ECT2L: variants seen among roughly 807,000 people sequenced by gnomAD.
The protein encoded by ECT2L is epithelial cell-transforming sequence 2 oncogene-like.
Under a neutral mutation model 122.8 loss-of-function variants are expected in ECT2L, and 126 were observed. The ratio of observed to expected loss-of-function variants is 1.03; its 90% CI spans 0.89 to 1.19. The LOEUF (loss-of-function observed/expected upper bound fraction) is 1.19, where lower values mean the gene tolerates loss of function less well. Ranked by LOEUF, ECT2L falls within the 50% of genes most tolerant of loss-of-function variation. The pLI is 0.00. For missense variants in ECT2L, 1,012 were observed against 1,064.1 expected (o/e 0.95, Z 0.68); for synonymous variants, 385 against 381.8 (o/e 1.01, Z -0.10).
intron 4 of ECT2L, among the ~76,000 whole-genome samples, chr6:138,819,243 A>AG (rs2128376598): frequency 1.6e-5 from 1 of 61,344 alleles, no homozygotes; most frequent in Non-Finnish European, 2.9e-5. Flanking sequence ...AAAAAAAAAA[A>AG]AAAAAAAAGG....
chr6:138,885,195 A>G (rs1004886309), intron 16 of ECT2L, among the ~76,000 whole-genome samples: 6 of 151,648 alleles, frequency 4.0e-5, no homozygotes, highest in Middle Eastern at 3.2e-3. Context: ...CGCCTGGCCA[A>G]TTTTTTGTAT....
chr6:138,856,282 T>A (rs1410533077), intron 10 of ECT2L, among the ~76,000 whole-genome samples: 1 of 150,726 alleles, frequency 6.6e-6, no homozygotes, highest in Non-Finnish European at 1.5e-5. Context: ...TGGCGTGATC[T>A]CGGCTCACTG....
chr6:138,901,206 C>G, intron 21 of ECT2L, 86 bp downstream of exon 21: 3 of 1,356,114 alleles, frequency 2.2e-6, no homozygotes, highest in Non-Finnish European at 3.0e-6. Context: ...AGAAAAAGGA[C>G]TGGAATTATA....
intron 4 of ECT2L, among the ~76,000 whole-genome samples, chr6:138,825,447 T>TGG (rs200995360): frequency 1.5e-4 from 22 of 151,350 alleles, no homozygotes; most frequent in African/African-American, 5.3e-4. Context: ...CCAGGTGTGG[T>TGG]GGGGGGGCAC....
intron 4 of ECT2L, among the ~76,000 whole-genome samples, chr6:138,817,045 G>T (rs539436231): frequency 6.6e-6 from 1 of 152,292 alleles, no homozygotes; most frequent in South Asian, 2.1e-4. Context: ...AATGGAATTA[G>T]ACAGTATGTG....
Position 138,896,375 on chromosome 6 carries a change from GA to G in ECT2L, c.2415-4570del, listed in dbSNP as rs144499457. ...ACTTCCCAGGCCAATTTTCCTTGGG[GA>G]AATATCCTATTATACTGCCAAAAAG... On this transcript the variant is annotated intron_variant, in intron 20 of 21. Coordinates refer to ENST00000541398, the MANE Select transcript of ECT2L (RefSeq NM_001077706.3). Among the ~76,000 whole-genome samples the G allele has an allele frequency of 7.1e-3, 1,079 of 152,262 alleles. 11 individuals carry two copies. Among genetic ancestry groups the G allele is most frequent in the African/African-American group, 0.024 (997 of 41,548 alleles).
chr6:138,896,132 T>C (rs946488297), intron 20 of ECT2L, among the ~76,000 whole-genome samples: 2 of 145,272 alleles, frequency 1.4e-5, no homozygotes, highest in South Asian at 2.1e-4. Flanking sequence ...GGTCCTCCCA[T>C]GCTGGCCAGG....
At chr6:138,878,002 C>A (rs915548419) in intron 14 of ECT2L, among the ~76,000 whole-genome samples, 4 of 152,198 alleles carry the variant, frequency 2.6e-5, no homozygotes, top group South Asian at 2.1e-4. Context: ...AGTTTTTTTA[C>A]ATTATAATTC....
At chr6:138,861,153 A>G (rs530518836) in intron 10 of ECT2L, among the ~76,000 whole-genome samples, 1 of 152,246 alleles carries the variant, frequency 6.6e-6, no homozygotes, top group African/African-American at 2.4e-5. Context: ...GTTGGTTCCA[A>G]GTCTTTGCTA....
chr6:138,864,002 T>TAAAAAAAAAAAAAAAAAA (rs1172466449), intron 11 of ECT2L, among the ~76,000 whole-genome samples: 13 of 55,846 alleles, frequency 2.3e-4, no homozygotes, highest in African/African-American at 6.3e-4. Context: ...TCTCCGTATT[T>TAAAAAAAAAAAAAAAAAA]AAAAAAAAAA....
intron 5 of ECT2L, among the ~76,000 whole-genome samples, chr6:138,841,757 T>A (rs535778481): frequency 1.3e-5 from 2 of 152,370 alleles, no homozygotes; most frequent in South Asian, 4.1e-4. Context: ...GGGGTCTTGG[T>A]TGAACAAGTC....
chr6:138,867,893 C>T (rs1357036126), intron 12 of ECT2L, among the ~76,000 whole-genome samples: 1 of 150,162 alleles, frequency 6.7e-6, no homozygotes, highest in East Asian at 1.9e-4. Flanking sequence ...CCTATAGTCC[C>T]AGTTACTTGA....
chr6:138,890,789 G>T (rs139917124), intron 20 of ECT2L, among the ~76,000 whole-genome samples: 1 of 151,772 alleles, frequency 6.6e-6, no homozygotes, highest in Non-Finnish European at 1.5e-5. Flanking sequence ...CAAATTTTTT[G>T]TGTGTAAAAA....
intron 5 of ECT2L, 72 bp from the exon 6 acceptor site, chr6:138,842,907 G>A: frequency 1.5e-6 from 2 of 1,347,434 alleles, no homozygotes; most frequent in Non-Finnish European, 1.9e-6. Context: ...AAGTATCTGT[G>A]TACCTGAAAA....
chr6:138,847,804 C>T (rs1372851460), intron 8 of ECT2L, among the ~76,000 whole-genome samples: 2 of 151,336 alleles, frequency 1.3e-5, no homozygotes, highest in Non-Finnish European at 3.0e-5. Flanking sequence ...CCCATTGATG[C>T]TACATGTAGA....
intron 4 of ECT2L, among the ~76,000 whole-genome samples, chr6:138,816,840 T>A (rs1018659285): frequency 1.3e-5 from 2 of 152,202 alleles, no homozygotes; most frequent in African/African-American, 4.8e-5. Flanking sequence ...CATTTACGGG[T>A]ACAATTCAGT....
chr6:138,863,148 A>T (rs534368770), intron 11 of ECT2L, among the ~76,000 whole-genome samples: 1 of 152,334 alleles, frequency 6.6e-6, no homozygotes, highest in African/African-American at 2.4e-5. Flanking sequence ...GAGAGGAAAA[A>T]CAATCAGAGA....
At chr6:138,810,229 A>C (rs1775846783) in intron 1 of ECT2L, among the ~76,000 whole-genome samples, 1 of 152,230 alleles carries the variant, frequency 6.6e-6, no homozygotes, top group Non-Finnish European at 1.5e-5. Flanking sequence ...GGAAGGAATA[A>C]CTGACTCACA....
At chr6:138,846,964 TAAA>T (rs775229639) in intron 8 of ECT2L, among the ~76,000 whole-genome samples, 3 of 73,126 alleles carry the variant, frequency 4.1e-5, no homozygotes, top group African/African-American at 5.4e-5. Flanking sequence ...TCTGTTTCTA[TAAA>T]AAAAAAAAAA....
Sources: allele counts gnomAD v4.1 joint callset (sites outside exome capture counted in the v4.1 genomes callset), GRCh38; gene constraint gnomAD v4.1.1; transcripts MANE v1.5; gene names NCBI Gene and HGNC (gene_info 2026-07-23, HGNC 2026-07-21).